Variants in UBE2M observed in about 807,000 individuals in gnomAD.
UBE2M encodes NEDD8-conjugating enzyme Ubc12.
Under a neutral mutation model 23.5 loss-of-function variants are expected in UBE2M, and 2 were observed. That is an observed-to-expected ratio of 0.09 (90% CI 0.03 to 0.27). The LOEUF (loss-of-function observed/expected upper bound fraction) is 0.27, where lower values mean the gene tolerates loss of function less well. Among genes scored for constraint, UBE2M ranks in the 10% least tolerant of loss-of-function variants. UBE2M has a pLI of 1.00. For missense variants in UBE2M, 103 were observed against 232.9 expected (o/e 0.44, Z 3.63); for synonymous variants, 97 against 95.2 (o/e 1.02, Z -0.11).
rs2053886370 is a variant in UBE2M at position 58,555,902 on chromosome 19, C to T, written c.*187G>A. ...GCTGAGTGGGTCGGGGGAGGCAGCG[C>T]CGACCTTAATCACATGGTGTTAAAA... On this transcript the variant is annotated 3_prime_UTR_variant, in exon 6 of 6. Coordinates refer to ENST00000253023, the MANE Select transcript of UBE2M (RefSeq NM_003969.4). The T allele has an allele frequency of 2.6e-6, 2 of 763,322 alleles. No homozygotes were observed. Among genetic ancestry groups the T allele is most frequent in the Admixed American group, 2.9e-5 (1 of 34,132 alleles). 47.3% of individuals were successfully genotyped at this position (763,322 alleles called of 1,614,324 possible). A position where few individuals can be genotyped will look rare whatever the true frequency, so the allele number is the denominator to read the frequency against.
At position 58,556,659 on chromosome 19, in the gene UBE2M, G is replaced by A. The variant is rs2053892919; in HGVS notation, c.347+28C>T. 4.0e-6 allele frequency: 6 copies of A among 1,511,832 alleles called. No homozygotes were observed. The highest frequency in any genetic ancestry group is 1.4e-5 in the African/African-American group (1 of 71,660). 93.7% of individuals were successfully genotyped at this position (1,511,832 alleles called of 1,614,324 possible). A position where few individuals can be genotyped will look rare whatever the true frequency, so the allele number is the denominator to read the frequency against. Reference sequence around the variant, plus strand: ...GGGAGGCCTGGCAGGCAGCGCTGAGGAGGGCATTAGAGGGCCAGTGTCCTC... The same window carrying A: ...GGGAGGCCTGGCAGGCAGCGCTGAGAAGGGCATTAGAGGGCCAGTGTCCTC... On this transcript the variant is annotated intron_variant, in intron 4 of 5. Transcript: ENST00000253023. The surrounding 1 kb of genome is among the most constrained non-coding windows in gnomAD (Gnocchi z 4.9).
chr19:58,556,266 G>T lies in UBE2M; in HGVS notation c.412-37C>A, dbSNP rs541075744. On this transcript the variant is annotated intron_variant, in intron 5 of 5. Transcript: ENST00000253023. The surrounding 1 kb of genome is among the most constrained non-coding windows in gnomAD (Gnocchi z 4.9). The stretch of plus-strand genomic sequence containing the variant: ...ACAGGTAGGGGGGGTCAACAGGCCA[G>T]AGGGACAGAAGGCCAATCTCCCCAG... 16 of 1,613,944 alleles carry T rather than the reference G, an allele frequency of 9.9e-6. No homozygotes were observed. The highest frequency in any genetic ancestry group is 2.2e-5 in the South Asian group (2 of 91,092).
In UBE2M at chr19:58,558,384, TGCCGCCGCCGCC is replaced by T. The variant is rs758423838; in HGVS notation, c.-15_-4del. On this transcript the variant is annotated 5_prime_UTR_variant, in exon 1 of 6. Transcript: ENST00000253023. This position sits in a 1 kb window ranked among gnomAD's most constrained non-coding sequence, Gnocchi z 4.7. ...TTCAGCGAGAACAGCTTGATCATCC[TGCCGCCGCCGCC>T]GCCGCTGCCGCCGCCGCGGGGCCCG... 7.2e-7 allele frequency: 1 copy of T among 1,397,328 alleles called. No individual in the cohort carries two copies. The highest frequency in any genetic ancestry group is 1.5e-5 in the African/African-American group (1 of 67,756). 86.6% of individuals were successfully genotyped at this position (1,397,328 alleles called of 1,614,324 possible). A position where few individuals can be genotyped will look rare whatever the true frequency, so the allele number is the denominator to read the frequency against.
Position 58,558,402 on chromosome 19 carries a change from TGCCGCCGCC to T in UBE2M, c.-30_-22del, listed in dbSNP as rs778718653. The T allele has an allele frequency of 2.3e-6, 3 of 1,284,470 alleles. No homozygotes were observed. The highest frequency in any genetic ancestry group is 1.5e-5 in the African/African-American group (1 of 64,526). 79.6% of individuals were successfully genotyped at this position (1,284,470 alleles called of 1,614,324 possible). ...ATCATCCTGCCGCCGCCGCCGCCGC[TGCCGCCGCC>T]GCGGGGCCCGGGACCCCGGCCACCC... On this transcript the variant is annotated 5_prime_UTR_variant, in exon 1 of 6. Coordinates refer to ENST00000253023, the MANE Select transcript of UBE2M (RefSeq NM_003969.4). This position sits in a 1 kb window ranked among gnomAD's most constrained non-coding sequence, Gnocchi z 4.7.
rs1250456859 is a variant in UBE2M at position 58,558,537 on chromosome 19, T to TCCTCTCCGCG, written c.-166_-157dup. The TCCTCTCCGCG allele has an allele frequency of 4.9e-6, 1 of 205,836 alleles. No individual in the cohort carries two copies. The highest frequency in any genetic ancestry group is 8.5e-6 in the Non-Finnish European group (1 of 118,244). The allele number at this position is 205,836 out of a possible 1,614,324, so 12.8% of individuals were successfully genotyped here. On this transcript the variant is annotated 5_prime_UTR_variant, in exon 1 of 6. Transcript: ENST00000253023. This position sits in a 1 kb window ranked among gnomAD's most constrained non-coding sequence, Gnocchi z 4.7. ...CGCCCGGCCTGCCGCGCCGCTCCGC[T>TCCTCTCCGCG]CCTCTCCGCGCCCACCGCGCGGCCC...
In UBE2M at chr19:58,556,264, C is replaced by T. The variant is rs759782660; in HGVS notation, c.412-35G>A. 6.2e-7 allele frequency: 1 copy of T among 1,613,980 alleles called. No homozygotes were observed. Among genetic ancestry groups the T allele is most frequent in the East Asian group, 2.2e-5 (1 of 44,874 alleles). Reference sequence around the variant, plus strand: ...GTACAGGTAGGGGGGGTCAACAGGCCAGAGGGACAGAAGGCCAATCTCCCC... The same window carrying T: ...GTACAGGTAGGGGGGGTCAACAGGCTAGAGGGACAGAAGGCCAATCTCCCC... On this transcript the variant is annotated intron_variant, in intron 5 of 5. Coordinates refer to ENST00000253023, the MANE Select transcript of UBE2M (RefSeq NM_003969.4). The surrounding 1 kb of genome is among the most constrained non-coding windows in gnomAD (Gnocchi z 4.9).
At position 58,556,834 on chromosome 19, in the gene UBE2M, G is replaced by A. The variant is rs1467262260; in HGVS notation, c.244-44C>T. 1.9e-6 allele frequency: 3 copies of A among 1,612,622 alleles called. No homozygotes were observed. Among genetic ancestry groups the A allele is most frequent in the Admixed American group, 1.7e-5 (1 of 59,686 alleles). ...AAGAGAGATGGGTAGGTGCCTGGAA[G>A]GGCCTCAGCTGCTGCCTCCTCTGTC... On this transcript the variant is annotated intron_variant, in intron 3 of 5. Coordinates refer to ENST00000253023, the MANE Select transcript of UBE2M (RefSeq NM_003969.4). This position sits in a 1 kb window ranked among gnomAD's most constrained non-coding sequence, Gnocchi z 4.9.
Position 58,557,162 on chromosome 19 carries a change from G to T in UBE2M, c.110-5C>A, listed in dbSNP as rs754303135. ...GCAGGTTCAGCTCGTTTATGTCTGGGTTTGGGTAGCAGAGAGTCGGGAACA... is the reference window on the plus strand; with the variant it reads ...GCAGGTTCAGCTCGTTTATGTCTGGTTTTGGGTAGCAGAGAGTCGGGAACA... On this transcript the variant is annotated splice_region_variant and splice_polypyrimidine_tract_variant and intron_variant, in intron 1 of 5. Transcript: ENST00000253023. 43 of 1,613,734 alleles carry T rather than the reference G, an allele frequency of 2.7e-5. No homozygotes were observed. In the African/African-American group the frequency reaches 4.8e-4, roughly 18 times the overall value.
rs1037282564 is a variant in UBE2M at position 58,556,983 on chromosome 19, G to A, written c.205-53C>T. ...TTTAGGGTTCCATCCTGTGGGGCCC[G>A]ATGGGCAGAACATGTCTCCCTCCTC... is the stretch of plus-strand genomic sequence containing the variant. On this transcript the variant is annotated intron_variant, in intron 2 of 5. Coordinates refer to ENST00000253023, the MANE Select transcript of UBE2M (RefSeq NM_003969.4). This position sits in a 1 kb window ranked among gnomAD's most constrained non-coding sequence, Gnocchi z 4.9. 5.0e-6 allele frequency: 8 copies of A among 1,613,648 alleles called. No individual in the cohort carries two copies. The highest frequency in any genetic ancestry group is 1.7e-5 in the Admixed American group (1 of 59,992).
intron 1 of UBE2M, among the ~76,000 whole-genome samples, chr19:58,557,833 C>T (rs2053902368): frequency 6.6e-6 from 1 of 152,048 alleles, no homozygotes; most frequent in Non-Finnish European, 1.5e-5. Context: ...CAACCTACTT[C>T]ACCCGTTTGA....
rs750768284 is a variant in UBE2M, at chr19:58,556,194, G to A, written c.447C>T (p.Ala149=). The change falls in exon 6 of 6, where the codon GCC becomes GCT. Residue 149 remains alanine, a synonymous_variant. Coordinates refer to ENST00000253023, the MANE Select transcript of UBE2M (RefSeq NM_003969.4). This position sits in a 1 kb window ranked among gnomAD's most constrained non-coding sequence, Gnocchi z 4.9. ...GCCGGTTGTTCTGCAGGACCTCTGC[G>A]GCCTCCTTGTTCAGTGGGTCCTCGG... is the stretch of plus-strand genomic sequence containing the variant. ...PNPEDPLNKE[A]AEVLQNNRRL... 41 of 1,614,084 alleles carry A rather than the reference G, an allele frequency of 2.5e-5. No homozygotes were observed. The highest frequency in any genetic ancestry group is 3.2e-5 in the Non-Finnish European group (38 of 1,180,030).
In UBE2M at chr19:58,556,960, TA is replaced by T; in HGVS notation, c.205-31del. The T allele has an allele frequency of 6.2e-7, 1 of 1,614,016 alleles. No homozygotes were observed. The highest frequency in any genetic ancestry group is 8.5e-7 in the Non-Finnish European group (1 of 1,179,956). On this transcript the variant is annotated intron_variant, in intron 2 of 5. Coordinates refer to ENST00000253023, the MANE Select transcript of UBE2M (RefSeq NM_003969.4). This position sits in a 1 kb window ranked among gnomAD's most constrained non-coding sequence, Gnocchi z 4.9. ...GAGGAAAAGGGGGAGAAGAAAATTTTAGGGTTCCATCCTGTGGGGCCCGATG... is the reference window on the plus strand; with the variant it reads ...GAGGAAAAGGGGGAGAAGAAAATTTTGGGTTCCATCCTGTGGGGCCCGATG...
rs939862822 is a variant in UBE2M at position 58,558,015 on chromosome 19, G to C, written c.109+258C>G. Among the ~76,000 whole-genome samples the C allele has an allele frequency of 6.6e-6, 1 of 151,880 alleles. No individual in the cohort carries two copies. Among genetic ancestry groups the C allele is most frequent in the Non-Finnish European group, 1.5e-5 (1 of 68,000 alleles). On this transcript the variant is annotated intron_variant, in intron 1 of 5. Transcript: ENST00000253023. The surrounding 1 kb of genome is among the most constrained non-coding windows in gnomAD (Gnocchi z 4.7). Reference sequence around the variant, plus strand: ...TTCCTCCACTCCACTGCCTGACTCTGAGATTCCGAGTCCCTAGTAGCAGAC... The same window carrying C: ...TTCCTCCACTCCACTGCCTGACTCTCAGATTCCGAGTCCCTAGTAGCAGAC...
chr19:58,557,257 GC>G, intron 1 of UBE2M, 100 bp from the exon 2 acceptor site: 2 of 1,231,186 alleles, frequency 1.6e-6, no homozygotes, highest in Non-Finnish European at 2.4e-6. Flanking sequence ...TGTTAGCAGA[GC>G]CCCCATCGTC....
chr19:58,557,202 A>AAGAGAG, intron 1 of UBE2M, 45 bp from the exon 2 acceptor site: 1 of 1,554,996 alleles, frequency 6.4e-7, no homozygotes, highest in Non-Finnish European at 8.8e-7. Flanking sequence ...GAGGGAGGGG[A>AAGAGAG]AGAGAGAGAG....
Position 58,556,424 on chromosome 19 carries a change from C to A in UBE2M, c.348-45G>T. On this transcript the variant is annotated intron_variant, in intron 4 of 5. Coordinates refer to ENST00000253023, the MANE Select transcript of UBE2M (RefSeq NM_003969.4). This position sits in a 1 kb window ranked among gnomAD's most constrained non-coding sequence, Gnocchi z 4.9. The stretch of plus-strand genomic sequence containing the variant: ...GGGTCAGGGCTTGGTGAGTGGGAGA[C>A]TGCCACAGGCCCCTCTGGTGTTGGG... The A allele has an allele frequency of 6.3e-7, 1 of 1,595,914 alleles. No homozygotes were observed.
Position 58,558,189 on chromosome 19 carries a change from T to C in UBE2M, c.109+84A>G. On this transcript the variant is annotated intron_variant, in intron 1 of 5. Coordinates refer to ENST00000253023, the MANE Select transcript of UBE2M (RefSeq NM_003969.4). The surrounding 1 kb of genome is among the most constrained non-coding windows in gnomAD (Gnocchi z 4.7). ...TCACCTCTGACCCTCAGCAACCGCA[T>C]TACCCCTTCCTGACTCCCACATCAC... The C allele has an allele frequency of 9.1e-7, 1 of 1,104,544 alleles. No individual in the cohort carries two copies. The highest frequency in any genetic ancestry group is 1.4e-5 in the South Asian group (1 of 70,742). The allele number at this position is 1,104,544 out of a possible 1,614,324, so 68.4% of individuals were successfully genotyped here.
chr19:58,558,478 C>A lies in UBE2M; in HGVS notation c.-97G>T. On this transcript the variant is annotated 5_prime_UTR_variant, in exon 1 of 6. Coordinates refer to ENST00000253023, the MANE Select transcript of UBE2M (RefSeq NM_003969.4). The surrounding 1 kb of genome is among the most constrained non-coding windows in gnomAD (Gnocchi z 4.7). ...CCGCGTCGCCTCCGCTCCTCGGACC[C>A]GCAGCTGCGGCCTCCTCCGCTGCTG... 1 of 578,570 alleles carries A rather than the reference C, an allele frequency of 1.7e-6. No homozygotes were observed. The highest frequency in any genetic ancestry group is 2.2e-6 in the Non-Finnish European group (1 of 459,508). 35.8% of individuals were successfully genotyped at this position (578,570 alleles called of 1,614,324 possible). A position where few individuals can be genotyped will look rare whatever the true frequency, so the allele number is the denominator to read the frequency against.
rs2053891426 is a variant in UBE2M at position 58,556,489 on chromosome 19, G to T, written c.348-110C>A. 8.0e-7 allele frequency: 1 copy of T among 1,257,204 alleles called. No individual in the cohort carries two copies. Among genetic ancestry groups the T allele is most frequent in the Non-Finnish European group, 1.1e-6 (1 of 884,390 alleles). The allele number at this position is 1,257,204 out of a possible 1,614,324, so 77.9% of individuals were successfully genotyped here. On this transcript the variant is annotated intron_variant, in intron 4 of 5. Transcript: ENST00000253023. The surrounding 1 kb of genome is among the most constrained non-coding windows in gnomAD (Gnocchi z 4.9). ...GGCATAGGAGAGTGAGCATGTGAGA[G>T]GCTGGGAGGGAGGGTGTGGAGCAGG...
Sources: allele counts gnomAD v4.1 joint callset (sites outside exome capture counted in the v4.1 genomes callset), GRCh38; gene constraint gnomAD v4.1.1; non-coding constraint Gnocchi (gnomAD v3.1); transcripts MANE v1.5; gene names NCBI Gene and HGNC (gene_info 2026-07-23, HGNC 2026-07-21).